PRMT7: variants seen among roughly 807,000 people sequenced by gnomAD.
The protein encoded by PRMT7 is protein arginine methyltransferase 7, also known as protein arginine N-methyltransferase 7.
PRMT7 carries 75 observed loss-of-function variants against 85.4 expected under a neutral mutation model. The observed-to-expected ratio is 0.88, with a 90% CI of 0.73 to 1.06. The LOEUF is 1.06. PRMT7 is among the 50% of genes least tolerant of loss of function. PRMT7 has a pLI of 0.00. For synonymous variants in PRMT7, 397 were observed against 359.5 expected (o/e 1.10, Z -1.18); for missense variants, 868 against 915.2 (o/e 0.95, Z 0.67).
chr16:68,345,062 A>G (rs935288154), intron 9 of PRMT7, among the ~76,000 whole-genome samples: 9 of 152,022 alleles, frequency 5.9e-5, no homozygotes, highest in Admixed American at 5.9e-4. Context: ...CCAAGAATGA[A>G]AACAGTCTGC....
In PRMT7 at chr16:68,355,713, C is replaced by G. The variant is rs1473830683; in HGVS notation, c.1651-10C>G. On this transcript the variant is annotated splice_polypyrimidine_tract_variant and intron_variant, in intron 16 of 18. Coordinates refer to ENST00000441236, the MANE Select transcript of PRMT7 (RefSeq NM_019023.5). ...GTCTCTGCAGCCCCCAGGCCCCCTT[C>G]TGTTCGCAGCGTGCCCTGGACTTCA... 1 of 1,566,920 alleles carries G rather than the reference C, an allele frequency of 6.4e-7. No individual in the cohort carries two copies. The highest frequency in any genetic ancestry group is 2.3e-5 in the East Asian group (1 of 42,884).
intron 4 of PRMT7, among the ~76,000 whole-genome samples, chr16:68,323,087 T>C (rs1279164606): frequency 6.6e-6 from 1 of 152,168 alleles, no homozygotes. Flanking sequence ...TGATTGTATC[T>C]AAGACATAAA....
intron 3 of PRMT7, among the ~76,000 whole-genome samples, chr16:68,320,072 C>G (rs74024441): frequency 6.6e-6 from 1 of 152,076 alleles, no homozygotes; most frequent in African/African-American, 2.4e-5. Flanking sequence ...TCTCTTTCCC[C>G]GGCTGCTCTC....
intron 9 of PRMT7, 30 bp from the exon 10 acceptor site, chr16:68,345,645 G>A (rs768565146): frequency 2.6e-5 from 42 of 1,611,930 alleles, no homozygotes; most frequent in African/African-American, 4.0e-5. Context: ...ACTGCAGCTC[G>A]TTGACAGCTG....
intron 3 of PRMT7, 26 bp from the exon 4 acceptor site, chr16:68,321,400 A>G: frequency 1.3e-6 from 2 of 1,584,678 alleles, no homozygotes; most frequent in Non-Finnish European, 8.7e-7. Context: ...TATCATGCAA[A>G]GGTTACTGAC....
In PRMT7 at chr16:68,311,092, C is replaced by A. The variant is rs1171548204; in HGVS notation, c.-226C>A. 3 of 729,326 alleles carry A rather than the reference C, an allele frequency of 4.1e-6. 1 individual carries two copies. Among genetic ancestry groups the A allele is most frequent in the South Asian group, 3.0e-5 (2 of 66,860 alleles). 45.2% of individuals were successfully genotyped at this position (729,326 alleles called of 1,614,324 possible). ...CAGCGGAGGCGAGCGGAGGGTTTCC[C>A]GCGGCGGGTGAGGCGCTGGGTATGC... On this transcript the variant is annotated 5_prime_UTR_variant, in exon 1 of 19. Transcript: ENST00000441236.
intron 3 of PRMT7, among the ~76,000 whole-genome samples, chr16:68,318,389 C>T (rs181346986): frequency 3.3e-5 from 5 of 152,042 alleles, no homozygotes; most frequent in South Asian, 2.1e-4. Flanking sequence ...TTAATAGAGA[C>T]GGGGTTTCAC....
chr16:68,326,685 C>G (rs2083158505), intron 5 of PRMT7, among the ~76,000 whole-genome samples: 1 of 152,184 alleles, frequency 6.6e-6, no homozygotes, highest in African/African-American at 2.4e-5. Context: ...ACTCTTAGCT[C>G]AGACAAGTGC....
chr16:68,324,648 TA>T, intron 4 of PRMT7, 34 bp from the exon 5 acceptor site: 1 of 1,611,640 alleles, frequency 6.2e-7, no homozygotes, highest in African/African-American at 1.3e-5. Context: ...TTACTTATAA[TA>T]ACTGGTAGTA....
intron 3 of PRMT7, among the ~76,000 whole-genome samples, chr16:68,318,028 ACTT>A (rs2082076281): frequency 6.6e-6 from 1 of 152,028 alleles, no homozygotes; most frequent in African/African-American, 2.4e-5. Flanking sequence ...AAGCTTTGCC[ACTT>A]CTTTACTCTC....
At chr16:68,336,794 G>A (rs781183996) in intron 6 of PRMT7, among the ~76,000 whole-genome samples, 2 of 152,022 alleles carry the variant, frequency 1.3e-5, no homozygotes, top group Admixed American at 6.6e-5. Context: ...ACTCTGTCGC[G>A]CAGGCTGGAG....
intron 8 of PRMT7, 78 bp from the exon 9 acceptor site, chr16:68,339,710 G>A (rs932446485): frequency 3.8e-6 from 6 of 1,573,270 alleles, no homozygotes; most frequent in Non-Finnish European, 5.2e-6. Context: ...GTCATTGCCA[G>A]TGAAGTCACT....
chr16:68,311,227 G>T (rs890199816), intron 1 of PRMT7, 128 bp downstream of exon 1: 6 of 504,212 alleles, frequency 1.2e-5, no homozygotes, highest in Non-Finnish European at 2.2e-5. Context: ...CCTCCGCGTG[G>T]GGCAGCTCGG....
intron 16 of PRMT7, among the ~76,000 whole-genome samples, chr16:68,354,066 G>C (rs2087873015): frequency 6.6e-6 from 1 of 152,166 alleles, no homozygotes; most frequent in South Asian, 2.1e-4. Flanking sequence ...AGAGGGGCAG[G>C]GTGAGGAGCA....
At chr16:68,312,525 C>T (rs1320689875) in intron 2 of PRMT7, among the ~76,000 whole-genome samples, 1 of 152,114 alleles carries the variant, frequency 6.6e-6, no homozygotes, top group East Asian at 1.9e-4. Context: ...TGTGAGCCAC[C>T]ACCGCCTAGC....
Position 68,353,552 on chromosome 16 carries a change from G to T in PRMT7, c.1636G>T (p.Asp546Tyr), listed in dbSNP as rs769748209. 3.3e-5 allele frequency: 52 copies of T among 1,588,934 alleles called. No homozygotes were observed. The South Asian group carries it at 6.0e-4, about 18-fold the overall frequency. ...CGAAGGCTTCGACGTGCACATCATG[G>T]ACGACATGATTAAGGTAGGCAGGGC... ...DCEGFDVHIM[D>Y]DMIKRALDFR... Residue 546 changes from aspartate (D) to tyrosine (Y), a missense_variant, in exon 16 of 19, where the codon GAC becomes TAC. Coordinates refer to ENST00000441236, the MANE Select transcript of PRMT7 (RefSeq NM_019023.5).
Position 68,337,477 on chromosome 16 carries a change from G to A in PRMT7, c.410G>A (p.Arg137His), listed in dbSNP as rs757578719. 107 of 1,609,022 alleles carry A rather than the reference G, an allele frequency of 6.7e-5. No individual in the cohort carries two copies. Among genetic ancestry groups the A allele is most frequent in the Non-Finnish European group, 8.6e-5 (101 of 1,177,872 alleles). Residue 137 changes from arginine (R) to histidine (H), a missense_variant, in exon 7 of 19, where the codon CGT becomes CAT. Arg to His is a conservative substitution (Grantham distance 29). Coordinates refer to ENST00000441236, the MANE Select transcript of PRMT7 (RefSeq NM_019023.5). ...TTTTCAGAGGGTGACATGCCATGCC[G>A]TGCCAACATCCTGGTCACAGAGTTG... ...TVGPEGDMPCRANILVTELFD... is the reference protein window; with the variant it reads ...TVGPEGDMPCHANILVTELFD...
At chr16:68,339,591 C>T (rs777199141) in intron 8 of PRMT7, 28 bp downstream of exon 8, 16 of 1,608,640 alleles carry the variant, frequency 9.9e-6, no homozygotes, top group South Asian at 5.5e-5. Context: ...TAGGTGATGG[C>T]GCTTTGAGAC....
chr16:68,344,343 A>G (rs1209919270), intron 9 of PRMT7, among the ~76,000 whole-genome samples: 2 of 152,236 alleles, frequency 1.3e-5, no homozygotes, highest in Admixed American at 6.5e-5. Context: ...AAACCTCATT[A>G]TATAAAATAA....
Sources: allele counts gnomAD v4.1 joint callset (sites outside exome capture counted in the v4.1 genomes callset), GRCh38; gene constraint gnomAD v4.1.1; transcripts MANE v1.5; gene names NCBI Gene and HGNC (gene_info 2026-07-23, HGNC 2026-07-21).